CSMD3: variants seen among roughly 807,000 people sequenced by gnomAD.
The protein encoded by CSMD3 is CUB and Sushi multiple domains 3.
Under a neutral mutation model 435.2 loss-of-function variants are expected in CSMD3, and 177 were observed. The observed-to-expected ratio is 0.41, with a 90% confidence interval of 0.36 to 0.46. The LOEUF (loss-of-function observed/expected upper bound fraction) is 0.46, where lower values mean the gene tolerates loss of function less well. Ranked by LOEUF, CSMD3 falls within the 20% of genes least tolerant of loss-of-function variation. CSMD3 has a pLI of 0.34. For synonymous variants in CSMD3, 1,656 were observed against 1,520.5 expected (o/e 1.09, Z -2.07); for missense variants, 4,265 against 4,504.6 (o/e 0.95, Z 1.52).
chr8:113,321,196 C>T (rs939970069), intron 1 of CSMD3, among the ~76,000 whole-genome samples: 5 of 152,092 alleles, frequency 3.3e-5, no homozygotes, highest in Admixed American at 2.0e-4. Flanking sequence ...TTGTCACTTC[C>T]TTATTCAATA....
At chr8:113,119,418 T>C (rs1400176146) in intron 4 of CSMD3, among the ~76,000 whole-genome samples, 3 of 152,096 alleles carry the variant, frequency 2.0e-5, no homozygotes, top group Non-Finnish European at 4.4e-5. Context: ...CCCAAGTTCA[T>C]GTAGTTAAAA....
At chr8:112,996,265 C>T (rs1369277067) in intron 6 of CSMD3, among the ~76,000 whole-genome samples, 6 of 151,552 alleles carry the variant, frequency 4.0e-5, no homozygotes, top group Non-Finnish European at 8.9e-5. Context: ...CAACCTCCGA[C>T]CCTAGCCCCT....
chr8:112,420,580 T>C (rs1375727958), intron 32 of CSMD3, among the ~76,000 whole-genome samples: 1 of 152,142 alleles, frequency 6.6e-6, no homozygotes, highest in South Asian at 2.1e-4. Context: ...ATAAAATCTA[T>C]AACCCACATC....
intron 3 of CSMD3, among the ~76,000 whole-genome samples, chr8:113,174,858 T>TTAA (rs1213954044): frequency 2.0e-5 from 3 of 151,848 alleles, no homozygotes; most frequent in African/African-American, 4.8e-5. Flanking sequence ...AAGTCAGTAG[T>TTAA]TAATAGTATT....
chr8:113,225,661 G>A (rs943209503), intron 3 of CSMD3, among the ~76,000 whole-genome samples: 1 of 151,370 alleles, frequency 6.6e-6, no homozygotes, highest in Non-Finnish European at 1.5e-5. Context: ...TTCTTTGAGC[G>A]CACTCTGCCA....
At chr8:113,257,137 A>G (rs201109634) in intron 3 of CSMD3, among the ~76,000 whole-genome samples, 2 of 152,166 alleles carry the variant, frequency 1.3e-5, no homozygotes, top group Non-Finnish European at 2.9e-5. Context: ...GGCCGGGCGC[A>G]GTGGCTCATG....
At chr8:113,210,799 C>T (rs1295509103) in intron 3 of CSMD3, among the ~76,000 whole-genome samples, 1 of 151,856 alleles carries the variant, frequency 6.6e-6, no homozygotes, top group Non-Finnish European at 1.5e-5. Flanking sequence ...ATCACTTGGA[C>T]CCAGGAGACA....
chr8:112,682,477 T>A lies in CSMD3; in HGVS notation c.2642A>T (p.Lys881Ile). 1 of 1,612,888 alleles carries A rather than the reference T, an allele frequency of 6.2e-7. No individual in the cohort carries two copies. Residue 881 changes from lysine to isoleucine, a missense_variant, in exon 16 of 71, where the codon AAA becomes ATA. Physicochemically the swap from Lys to Ile is moderately radical, Grantham distance 102. This residue lies in a region of CSMD3 where 279 missense variants were observed against 369.0 expected (regional missense o/e 0.76). Transcript: ENST00000297405. ...ETITCILMDG[K>I]VMWSGLIPKC... ...TGGAATCAGTCCACTCCACATTACT[T>A]TTCCATCCATAAGAATACATGTAAT...
intron 1 of CSMD3, among the ~76,000 whole-genome samples, chr8:113,352,314 G>A (rs2094195408): frequency 6.6e-6 from 1 of 152,056 alleles, no homozygotes; most frequent in South Asian, 2.1e-4. Flanking sequence ...AGAAAGCCAT[G>A]TGAAGAGGGT....
intron 3 of CSMD3, among the ~76,000 whole-genome samples, chr8:113,225,106 G>A (rs1018640128): frequency 6.6e-6 from 1 of 151,278 alleles, no homozygotes; most frequent in Admixed American, 6.6e-5. Context: ...TTCCATTACT[G>A]AGTTAAAGGT....
intron 31 of CSMD3, among the ~76,000 whole-genome samples, chr8:112,482,706 G>A: frequency 6.6e-6 from 1 of 152,292 alleles, no homozygotes; most frequent in East Asian, 1.9e-4. Flanking sequence ...ACTATTTAAA[G>A]AAATTACTTA....
intron 22 of CSMD3, among the ~76,000 whole-genome samples, chr8:112,608,603 T>TAC (rs1173144642): frequency 1.3e-4 from 19 of 150,894 alleles, no homozygotes; most frequent in Non-Finnish European, 2.2e-4. Context: ...TATATATACA[T>TAC]ACACACACAC....
At chr8:112,304,646 A>G in intron 52 of CSMD3, 75 bp downstream of exon 52, 3 of 1,096,052 alleles carry the variant, frequency 2.7e-6, no homozygotes, top group Middle Eastern at 2.0e-4. Flanking sequence ...TAATGTGTTT[A>G]TGAAAGGAAC....
At chr8:112,311,701 T>C (rs1821992553) in intron 49 of CSMD3, among the ~76,000 whole-genome samples, 1 of 152,240 alleles carries the variant, frequency 6.6e-6, no homozygotes, top group African/African-American at 2.4e-5. Context: ...AGCGTTTACA[T>C]ATTATGATAC....
chr8:112,858,220 TA>T (rs2080721702), intron 11 of CSMD3, among the ~76,000 whole-genome samples: 1 of 151,796 alleles, frequency 6.6e-6, no homozygotes. Context: ...TTAGCTTTAC[TA>T]ACAACTGTGT....
intron 38 of CSMD3, among the ~76,000 whole-genome samples, chr8:112,379,892 A>G (rs913116350): frequency 6.6e-5 from 10 of 152,174 alleles, no homozygotes; most frequent in African/African-American, 1.9e-4. Flanking sequence ...GAGGATAAAT[A>G]CTTCATGATT....
chr8:113,324,543 C>T (rs2093970558), intron 1 of CSMD3, among the ~76,000 whole-genome samples: 1 of 152,152 alleles, frequency 6.6e-6, no homozygotes, highest in Non-Finnish European at 1.5e-5. Flanking sequence ...GGAACCTCCA[C>T]CTAGAATTCA....
chr8:112,665,360 A>G (rs2075496115), intron 17 of CSMD3, among the ~76,000 whole-genome samples: 1 of 152,152 alleles, frequency 6.6e-6, no homozygotes, highest in Non-Finnish European at 1.5e-5. Flanking sequence ...CAGTAGAATG[A>G]AGCCATGTGA....
At chr8:112,945,026 T>A (rs1227398733) in intron 9 of CSMD3, among the ~76,000 whole-genome samples, 1 of 151,634 alleles carries the variant, frequency 6.6e-6, no homozygotes, top group African/African-American at 2.4e-5. Context: ...TGCCTAGAAA[T>A]CTCTAAATCT....
Sources: gnomAD v4.1 joint callset for allele counts (sites outside exome capture counted in the v4.1 genomes callset) on GRCh38, gnomAD v4.1.1 for gene constraint, gnomAD v4.1.1 regional missense constraint, MANE v1.5 for transcripts, NCBI Gene and HGNC (gene_info 2026-07-23, HGNC 2026-07-21) for gene names.